Variants in GMDS observed in about 807,000 individuals in gnomAD.
GMDS encodes GDP-mannose 4,6-dehydratase, also known as GDP-mannose 4,6 dehydratase.
A neutral mutation model predicts 49.9 loss-of-function variants in GMDS; 20 were observed. The observed-to-expected ratio is 0.40, with a 90% CI of 0.28 to 0.58. GMDS has a LOEUF of 0.58. Among genes scored for constraint, GMDS ranks in the 20% least tolerant of loss-of-function variants. The pLI, the probability that GMDS is intolerant of heterozygous loss-of-function variation, is 0.42. For missense variants in GMDS, 362 were observed against 481.4 expected (o/e 0.75, Z 2.32); for synonymous variants, 177 against 178.6 (o/e 0.99, Z 0.07).
At chr6:1,775,542 T>A (rs188321072) in intron 7 of GMDS, among the ~76,000 whole-genome samples, 37 of 152,354 alleles carry the variant, frequency 2.4e-4, no homozygotes. Context: ...TTGGACCCAC[T>A]ATACTTTGAA....
At chr6:1,820,086 T>C (rs1261520322) in intron 7 of GMDS, among the ~76,000 whole-genome samples, 1 of 152,032 alleles carries the variant, frequency 6.6e-6, no homozygotes, top group Non-Finnish European at 1.5e-5. Context: ...CATTTTCTAG[T>C]TTTTCTTATA....
chr6:1,988,002 A>G (rs915293499), intron 4 of GMDS, among the ~76,000 whole-genome samples: 1 of 152,266 alleles, frequency 6.6e-6, no homozygotes, highest in Non-Finnish European at 1.5e-5. Flanking sequence ...GGAAAAAATA[A>G]TAACATAAGG....
chr6:2,091,904 GAA>G (rs139940619), intron 4 of GMDS, among the ~76,000 whole-genome samples: 1 of 147,074 alleles, frequency 6.8e-6, no homozygotes, highest in Non-Finnish European at 1.5e-5. Context: ...TCAGAAAAAG[GAA>G]AAAAAAAATC....
intron 9 of GMDS, 39 bp downstream of exon 9, chr6:1,726,377 C>G (rs1766587127): frequency 7.2e-7 from 1 of 1,394,956 alleles, no homozygotes; most frequent in African/African-American, 1.4e-5. Flanking sequence ...GCCAGCCAGC[C>G]AAATGTGGCC....
chr6:1,663,843 G>C (rs922181811), intron 9 of GMDS, among the ~76,000 whole-genome samples: 10 of 151,948 alleles, frequency 6.6e-5, no homozygotes, highest in Non-Finnish European at 1.3e-4. Flanking sequence ...TTTCTTCATG[G>C]CACAGATCTC....
chr6:2,075,381 A>T (rs1772272501), intron 4 of GMDS, among the ~76,000 whole-genome samples: 1 of 152,114 alleles, frequency 6.6e-6, no homozygotes, highest in East Asian at 1.9e-4. Flanking sequence ...TTAACTCGTC[A>T]TTTAACATTA....
At chr6:2,021,148 T>C (rs1331502718) in intron 4 of GMDS, among the ~76,000 whole-genome samples, 1 of 152,240 alleles carries the variant, frequency 6.6e-6, no homozygotes, top group East Asian at 1.9e-4. Context: ...ATTGGCAGGT[T>C]TCTGCCTGTA....
chr6:1,900,335 G>A (rs780247511), intron 7 of GMDS, among the ~76,000 whole-genome samples: 11 of 152,294 alleles, frequency 7.2e-5, no homozygotes, highest in South Asian at 2.1e-4. Context: ...AGTGAACACC[G>A]TCAACAATGC....
chr6:1,821,617 T>TG (rs1427060661), intron 7 of GMDS, among the ~76,000 whole-genome samples: 2 of 40,344 alleles, frequency 5.0e-5, no homozygotes, highest in Non-Finnish European at 1.1e-4. Flanking sequence ...ATTTGTTTTT[T>TG]TTTTTTTTTT....
chr6:1,624,114 C>T lies in GMDS; in HGVS notation c.*55G>A, dbSNP rs1056300372. The T allele has an allele frequency of 2.3e-5, 35 of 1,502,952 alleles. No homozygotes were observed. The African/African-American group carries it at 4.6e-4, about 20-fold the overall frequency. The allele number at this position is 1,502,952 out of a possible 1,614,324, so 93.1% of individuals were successfully genotyped here. Reference sequence around the variant, plus strand: ...TCCCCATCCCCGCAGCGCGTCTGCACCGGAGACTCTGCGGGGATTGTAGCC... The same window carrying T: ...TCCCCATCCCCGCAGCGCGTCTGCATCGGAGACTCTGCGGGGATTGTAGCC... On this transcript the variant is annotated 3_prime_UTR_variant, in exon 11 of 11. Coordinates refer to ENST00000380815, the MANE Select transcript of GMDS (RefSeq NM_001500.4).
At chr6:1,734,329 C>T (rs998157861) in intron 8 of GMDS, among the ~76,000 whole-genome samples, 1 of 152,222 alleles carries the variant, frequency 6.6e-6, no homozygotes, top group African/African-American at 2.4e-5. Context: ...GAAGGCACTT[C>T]TTAAGATTAA....
At chr6:2,146,032 A>G (rs1776541662) in intron 1 of GMDS, among the ~76,000 whole-genome samples, 1 of 152,250 alleles carries the variant, frequency 6.6e-6, no homozygotes, top group Non-Finnish European at 1.5e-5. Flanking sequence ...AACATAAGTC[A>G]CCAGTAATCA....
chr6:2,136,776 G>A (rs1776025542), intron 1 of GMDS, among the ~76,000 whole-genome samples: 1 of 151,994 alleles, frequency 6.6e-6, no homozygotes. Context: ...GGTGAGGCAG[G>A]CCTGTAGTCC....
chr6:2,106,605 G>A (rs144209938), intron 4 of GMDS, among the ~76,000 whole-genome samples: 226 of 152,242 alleles, frequency 1.5e-3, no homozygotes, highest in African/African-American at 5.2e-3. Context: ...GCTCATACCT[G>A]TAATCCTAGC....
intron 4 of GMDS, among the ~76,000 whole-genome samples, chr6:2,052,110 C>A (rs1346901012): frequency 1.2e-5 from 1 of 85,600 alleles, no homozygotes; most frequent in Non-Finnish European, 2.4e-5. Context: ...GAGCAAGACT[C>A]TGTCTCAAAA....
At chr6:1,639,876 TCAAAA>T (rs368319288) in intron 9 of GMDS, among the ~76,000 whole-genome samples, 4 of 152,120 alleles carry the variant, frequency 2.6e-5, no homozygotes, top group African/African-American at 7.2e-5. Context: ...AGACCTTGTC[TCAAAA>T]CAAAACAAAA....
At chr6:2,107,354 G>A (rs1774301394) in intron 4 of GMDS, among the ~76,000 whole-genome samples, 2 of 152,202 alleles carry the variant, frequency 1.3e-5, no homozygotes, top group East Asian at 1.9e-4. Flanking sequence ...AAGAATCTGA[G>A]CCAGATGACA....
intron 9 of GMDS, among the ~76,000 whole-genome samples, chr6:1,644,509 CTTCCCAAG>C (rs1763429726): frequency 6.6e-6 from 1 of 152,230 alleles, no homozygotes; most frequent in Admixed American, 6.5e-5. Context: ...TTTTTCCTCC[CTTCCCAAG>C]TTCCCCAGCT....
At chr6:1,817,719 G>A (rs1413826306) in intron 7 of GMDS, among the ~76,000 whole-genome samples, 11 of 152,090 alleles carry the variant, frequency 7.2e-5, no homozygotes, top group African/African-American at 2.4e-4. Context: ...GCTGGGTCAG[G>A]AGCACCCCTT....
Sources: gnomAD v4.1 joint callset for allele counts (sites outside exome capture counted in the v4.1 genomes callset) on GRCh38, gnomAD v4.1.1 for gene constraint, MANE v1.5 for transcripts, NCBI Gene and HGNC (gene_info 2026-07-23, HGNC 2026-07-21) for gene names.